The following GRK3 variants were observed in gnomAD, a reference collection of about 807,000 sequenced individuals.
The protein encoded by GRK3 is adrenergic, beta, receptor kinase 2.
A neutral mutation model predicts 95.7 loss-of-function variants in GRK3; 54 were observed. That is an observed-to-expected ratio of 0.56 (90% CI 0.45 to 0.71). GRK3 has a LOEUF of 0.71. Ranked by LOEUF, GRK3 falls within the 30% of genes least tolerant of loss-of-function variation. The probability of loss-of-function intolerance (pLI) is 0.00; values close to 1 mark genes in which losing one functional copy is unlikely to be tolerated. For synonymous variants in GRK3, 281 were observed against 290.8 expected, an observed-to-expected ratio of 0.97 and a Z score of 0.34; for missense variants, 649 against 851.2, an observed-to-expected ratio of 0.76 and a Z score of 2.96.
chr22:25,679,144 C>T (rs998735632), intron 9 of GRK3, among the ~76,000 whole-genome samples: 3 of 152,122 alleles, frequency 2.0e-5, no homozygotes, highest in African/African-American at 4.8e-5. Context: ...TCCTTGACTT[C>T]CTTCTTTGCA....
rs1430849936 is a variant in GRK3, at chr22:25,711,080, T to G, written c.1408T>G (p.Leu470Val). 6.2e-6 allele frequency: 10 copies of G among 1,612,916 alleles called. No homozygotes were observed. Among genetic ancestry groups the G allele is most frequent in the Non-Finnish European group, 8.5e-6 (10 of 1,179,384 alleles). Residue 470 changes from leucine to valine, a missense_variant, in exon 17 of 21, where the codon TTG becomes GTG. Coordinates refer to ENST00000324198, the MANE Select transcript of GRK3 (RefSeq NM_005160.4). ...TTGGATCTTCCAGTACCCACCACCC[T>G]TGATTCCTCCCCGGGGAGAAGTCAA... ...HVYLQKYPPPLIPPRGEVNAA... is the reference protein window; with the variant it reads ...HVYLQKYPPPVIPPRGEVNAA...
intron 2 of GRK3, among the ~76,000 whole-genome samples, chr22:25,611,426 T>G (rs1322108703): frequency 6.6e-6 from 1 of 152,214 alleles, no homozygotes; most frequent in Non-Finnish European, 1.5e-5. Context: ...CTGTACTGTT[T>G]TACATTCCCA....
At chr22:25,689,120 T>C (rs2085145002) in intron 11 of GRK3, among the ~76,000 whole-genome samples, 1 of 152,142 alleles carries the variant, frequency 6.6e-6, no homozygotes, top group Non-Finnish European at 1.5e-5. Context: ...TTTAAACCTT[T>C]CTGTAAGGTT....
chr22:25,641,672 G>A (rs934559232), intron 2 of GRK3, among the ~76,000 whole-genome samples: 1 of 152,218 alleles, frequency 6.6e-6, no homozygotes, highest in Non-Finnish European at 1.5e-5. Context: ...TATGTGAAGT[G>A]AGCTAGTGAG....
chr22:25,586,233 C>T (rs1198296769), intron 1 of GRK3, among the ~76,000 whole-genome samples: 2 of 152,254 alleles, frequency 1.3e-5, no homozygotes, highest in Admixed American at 6.5e-5. Context: ...GATGTCTCTT[C>T]AAGGGTGGTG....
intron 1 of GRK3, among the ~76,000 whole-genome samples, chr22:25,586,153 C>G (rs1425406856): frequency 2.0e-5 from 3 of 152,232 alleles, no homozygotes; most frequent in African/African-American, 7.2e-5. Flanking sequence ...GGACATTTCA[C>G]AGTGACATGT....
chr22:25,587,156 G>T (rs1932341452), intron 1 of GRK3, among the ~76,000 whole-genome samples: 1 of 152,132 alleles, frequency 6.6e-6, no homozygotes, highest in South Asian at 2.1e-4. Context: ...CTCCCAAAGT[G>T]CTAGGATTAT....
intron 3 of GRK3, among the ~76,000 whole-genome samples, chr22:25,646,161 CATAA>C (rs1433180041): frequency 1.3e-5 from 2 of 151,936 alleles, no homozygotes; most frequent in African/African-American, 4.8e-5. Context: ...TCATGTGAAT[CATAA>C]ATAAGGCAAT....
chr22:25,573,645 T>A (rs1176291099), intron 1 of GRK3, among the ~76,000 whole-genome samples: 1 of 152,178 alleles, frequency 6.6e-6, no homozygotes, highest in African/African-American at 2.4e-5. Flanking sequence ...ATGACTGTAA[T>A]CCCAGCACTT....
chr22:25,612,084 C>T (rs1237682744), intron 2 of GRK3, among the ~76,000 whole-genome samples: 3 of 152,070 alleles, frequency 2.0e-5, no homozygotes, highest in Admixed American at 6.6e-5. Context: ...CCACCCGCCT[C>T]GGCCTCCCAA....
At chr22:25,632,859 T>A (rs1259023046) in intron 2 of GRK3, among the ~76,000 whole-genome samples, 1 of 152,176 alleles carries the variant, frequency 6.6e-6, no homozygotes, top group African/African-American at 2.4e-5. Flanking sequence ...GTGTTTATCC[T>A]TTTCTCCAAC....
At chr22:25,576,923 T>C (rs1337412674) in intron 1 of GRK3, among the ~76,000 whole-genome samples, 1 of 152,198 alleles carries the variant, frequency 6.6e-6, no homozygotes, top group African/African-American at 2.4e-5. Context: ...ATAAATACAT[T>C]AATAATTTCC....
intron 13 of GRK3, among the ~76,000 whole-genome samples, chr22:25,701,652 A>G (rs34463402): frequency 1.3e-5 from 2 of 152,232 alleles, no homozygotes; most frequent in Non-Finnish European, 2.9e-5. Flanking sequence ...AGAACACAGC[A>G]GGCTGCAAGT....
At chr22:25,718,770 G>A (rs1385910327) in intron 19 of GRK3, among the ~76,000 whole-genome samples, 5 of 152,144 alleles carry the variant, frequency 3.3e-5, no homozygotes, top group South Asian at 2.1e-4. Flanking sequence ...CTCAGCCTCC[G>A]TTTTCTCATC....
chr22:25,703,159 G>A (rs561139335), intron 13 of GRK3, among the ~76,000 whole-genome samples: 114 of 152,232 alleles, frequency 7.5e-4, no homozygotes, highest in Non-Finnish European at 1.5e-3. Flanking sequence ...TGTTTAGCTC[G>A]AACTCTCATA....
intron 1 of GRK3, among the ~76,000 whole-genome samples, chr22:25,601,217 A>G (rs2084407548): frequency 6.6e-6 from 1 of 152,208 alleles, no homozygotes; most frequent in Non-Finnish European, 1.5e-5. Context: ...CATTCCCTTT[A>G]AGTGTACGTG....
At chr22:25,642,038 AAAG>A (rs1420550289) in intron 2 of GRK3, among the ~76,000 whole-genome samples, 1 of 152,262 alleles carries the variant, frequency 6.6e-6, no homozygotes, top group East Asian at 1.9e-4. Flanking sequence ...AGAAATAGAA[AAAG>A]AAATACATGT....
At chr22:25,654,337 T>C (rs1601504444) in intron 3 of GRK3, among the ~76,000 whole-genome samples, 4 of 152,298 alleles carry the variant, frequency 2.6e-5, no homozygotes, top group South Asian at 2.1e-4. Flanking sequence ...CTGCCTGATA[T>C]TAGTCATCAT....
intron 5 of GRK3, among the ~76,000 whole-genome samples, chr22:25,665,374 C>T (rs1006060459): frequency 1.3e-5 from 2 of 152,098 alleles, no homozygotes; most frequent in Non-Finnish European, 2.9e-5. Context: ...CATTGCTAAA[C>T]CATACCTCAT....
Sources: allele counts gnomAD v4.1 joint callset (sites outside exome capture counted in the v4.1 genomes callset), GRCh38; gene constraint gnomAD v4.1.1; transcripts MANE v1.5; gene names NCBI Gene and HGNC (gene_info 2026-07-23, HGNC 2026-07-21).